The following MSRB3 variants were observed in gnomAD, a reference collection of about 807,000 sequenced individuals.
The protein encoded by MSRB3 is methionine-R-sulfoxide reductase B3.
MSRB3 carries 13 observed loss-of-function variants against 21.0 expected under a neutral mutation model. That is an observed-to-expected ratio of 0.62 (90% CI 0.40 to 0.98). The LOEUF (loss-of-function observed/expected upper bound fraction) is 0.98. Among genes scored for constraint, MSRB3 ranks in the 50% least tolerant of loss-of-function variants. The pLI, the probability that MSRB3 is intolerant of heterozygous loss-of-function variation, is 0.00. For synonymous variants in MSRB3, 87 were observed against 88.6 expected (o/e 0.98, Z 0.10); for missense variants, 199 against 230.3 (o/e 0.86, Z 0.88).
At chr12:65,432,948 G>T (rs1334315159) in intron 5 of MSRB3, among the ~76,000 whole-genome samples, 1 of 151,898 alleles carries the variant, frequency 6.6e-6, no homozygotes, top group East Asian at 1.9e-4. Context: ...AGTCCCTTAG[G>T]ATAGCTATTA....
chr12:65,302,032 G>T (rs1469136731), intron 1 of MSRB3, among the ~76,000 whole-genome samples: 4 of 151,580 alleles, frequency 2.6e-5, no homozygotes, highest in Non-Finnish European at 5.9e-5. Context: ...TAAGCTTTCA[G>T]GTTAAAATAA....
intron 6 of MSRB3, among the ~76,000 whole-genome samples, chr12:65,456,642 T>C (rs1883100922): frequency 6.6e-6 from 1 of 152,228 alleles, no homozygotes. Context: ...TTTTGGCTTC[T>C]TTTTCCACAG....
intron 5 of MSRB3, among the ~76,000 whole-genome samples, chr12:65,439,557 A>G (rs1882276380): frequency 6.6e-6 from 1 of 151,690 alleles, no homozygotes; most frequent in South Asian, 2.1e-4. Flanking sequence ...AATTTTAGAA[A>G]GTAGAGATTT....
At chr12:65,279,603 A>G (rs1174069563) in intron 1 of MSRB3, 2 of 152,266 alleles carry the variant, frequency 1.3e-5, no homozygotes, top group Non-Finnish European at 2.9e-5. Flanking sequence ...GAGTCAAACT[A>G]TATGAATGAA....
chr12:65,332,483 T>C (rs1875492033), intron 4 of MSRB3, among the ~76,000 whole-genome samples: 1 of 152,012 alleles, frequency 6.6e-6, no homozygotes, highest in Non-Finnish European at 1.5e-5. Flanking sequence ...CCGGGGCCTG[T>C]TGTGGGGTGG....
intron 5 of MSRB3, among the ~76,000 whole-genome samples, chr12:65,431,444 C>G (rs527729525): frequency 6.6e-6 from 1 of 151,930 alleles, no homozygotes; most frequent in Non-Finnish European, 1.5e-5. Context: ...TACATCCCAG[C>G]GATTTAATGT....
chr12:65,302,470 C>T (rs1379503125), intron 1 of MSRB3, among the ~76,000 whole-genome samples: 1 of 152,144 alleles, frequency 6.6e-6, no homozygotes, highest in East Asian at 1.9e-4. Flanking sequence ...TTTTTAACAG[C>T]ACAGACTATG....
At chr12:65,344,512 C>T (rs777261055) in intron 4 of MSRB3, among the ~76,000 whole-genome samples, 1 of 151,608 alleles carries the variant, frequency 6.6e-6, no homozygotes, top group Non-Finnish European at 1.5e-5. Flanking sequence ...AATATGAGAC[C>T]CTCACTTTAA....
intron 1 of MSRB3, among the ~76,000 whole-genome samples, chr12:65,300,939 C>G (rs1287664200): frequency 6.6e-6 from 1 of 152,150 alleles, no homozygotes; most frequent in African/African-American, 2.4e-5. Context: ...GCCACATGTT[C>G]CTACCCAACC....
intron 5 of MSRB3, among the ~76,000 whole-genome samples, chr12:65,437,078 C>T (rs1006174276): frequency 4.0e-5 from 6 of 151,834 alleles, no homozygotes; most frequent in Non-Finnish European, 7.4e-5. Flanking sequence ...TGGCCTTATA[C>T]TTTCTATTCC....
chr12:65,412,792 C>G (rs1471385603), intron 5 of MSRB3, among the ~76,000 whole-genome samples: 2 of 152,114 alleles, frequency 1.3e-5, no homozygotes, highest in African/African-American at 4.8e-5. Flanking sequence ...TTAATTGGCT[C>G]ACAGTTTAGC....
At chr12:65,300,138 A>G (rs904749619) in intron 1 of MSRB3, among the ~76,000 whole-genome samples, 5 of 152,220 alleles carry the variant, frequency 3.3e-5, no homozygotes, top group Non-Finnish European at 5.9e-5. Flanking sequence ...TCTACAGTGA[A>G]TGTGCTTAGT....
At chr12:65,427,446 A>G (rs1442613449) in intron 5 of MSRB3, among the ~76,000 whole-genome samples, 2 of 152,132 alleles carry the variant, frequency 1.3e-5, no homozygotes, top group Admixed American at 1.3e-4. Context: ...GTTTTCTATG[A>G]TAATGGCAGC....
chr12:65,356,421 A>T (rs1434645492), intron 4 of MSRB3, among the ~76,000 whole-genome samples: 1 of 151,826 alleles, frequency 6.6e-6, no homozygotes. Flanking sequence ...CTGCTTAAAA[A>T]CTTTTCAATG....
rs541015543 is a variant in MSRB3, at chr12:65,364,830, C to T, written c.264-4168C>T. ...CTTAAAACAACAAAGGACCAGTTTT[C>T]CCTATCCCCAAATTGACAGTTTTAA... On this transcript the variant is annotated intron_variant, in intron 4 of 6. Coordinates refer to ENST00000308259, the MANE Select transcript of MSRB3 (RefSeq NM_001031679.3). Among the ~76,000 whole-genome samples, 59 of 152,232 alleles carry T rather than the reference C, an allele frequency of 3.9e-4. No individual in the cohort carries two copies. The South Asian group carries it at 9.8e-3, about 25-fold the overall frequency.
intron 5 of MSRB3, among the ~76,000 whole-genome samples, chr12:65,418,391 T>G (rs1281720704): frequency 1.3e-5 from 2 of 152,230 alleles, no homozygotes. Context: ...TATGTTATGT[T>G]TCGTATATTA....
chr12:65,300,619 G>A (rs1214031697), intron 1 of MSRB3, among the ~76,000 whole-genome samples: 3 of 152,160 alleles, frequency 2.0e-5, no homozygotes, highest in Non-Finnish European at 4.4e-5. Context: ...ACCTCAAGCA[G>A]GTAATTCTCT....
At chr12:65,454,193 C>T (rs752595045) in intron 6 of MSRB3, 72 of 472,212 alleles carry the variant, frequency 1.5e-4, no homozygotes, top group Admixed American at 4.4e-4. Flanking sequence ...GGGGCTGAAG[C>T]AGGAGAATCA....
At chr12:65,433,316 A>G (rs116968481) in intron 5 of MSRB3, among the ~76,000 whole-genome samples, 1 of 151,916 alleles carries the variant, frequency 6.6e-6, no homozygotes, top group East Asian at 1.9e-4. Flanking sequence ...TTAGAGTGTG[A>G]AGTATTTGTG....
Sources: allele counts gnomAD v4.1 joint callset (sites outside exome capture counted in the v4.1 genomes callset), GRCh38; gene constraint gnomAD v4.1.1; transcripts MANE v1.5; gene names NCBI Gene and HGNC (gene_info 2026-07-23, HGNC 2026-07-21).